The following CCK variants were observed in gnomAD, a reference collection of about 807,000 sequenced individuals.
CCK encodes cholecystokinin, also known as cholecystokinin triacontatriapeptide.
In CCK, 11 loss-of-function variants were observed where a neutral mutation model predicts 10.1. The observed-to-expected ratio is 1.09, with a 90% CI of 0.69 to 1.81. CCK has a LOEUF of 1.81. Among genes scored for constraint, CCK ranks in the 40% most tolerant of loss-of-function variants. The probability of loss-of-function intolerance (pLI) is 0.00; values close to 1 mark genes in which losing one functional copy is unlikely to be tolerated. For synonymous variants in CCK, 83 were observed against 71.9 expected, an observed-to-expected ratio of 1.15 and a Z score of -0.78; for missense variants, 137 against 159.9, an observed-to-expected ratio of 0.86 and a Z score of 0.77.
intron 4 of CCK, among the ~76,000 whole-genome samples, chr3:42,259,269 G>A (rs2149570454): frequency 6.6e-6 from 1 of 152,240 alleles, no homozygotes; most frequent in South Asian, 2.1e-4. Context: ...GTTGATGGGT[G>A]CAGCAAACCA....
rs753757637 is a variant in CCK at position 42,265,741 on chromosome 3, C to T, written c.-440G>A. The stretch of plus-strand genomic sequence containing the variant: ...AGGACCTCACCCCTAGTCAGTCACC[C>T]GTCCGGTGGAGGGAAGGGAGGCACC... On this transcript the variant is annotated 5_prime_UTR_variant, in exon 1 of 5. Transcript: ENST00000396169. The T allele has an allele frequency of 2.6e-5, 4 of 152,298 alleles. No individual in the cohort carries two copies. Among genetic ancestry groups the T allele is most frequent in the Non-Finnish European group, 5.9e-5 (4 of 68,136 alleles). 9.4% of individuals were successfully genotyped at this position (152,298 alleles called of 1,614,324 possible).
Position 42,263,464 on chromosome 3 carries a change from G to T in CCK, c.167C>A (p.Ala56Glu). The change falls in exon 4 of 5, where the codon GCG becomes GAG. Residue 56 changes from alanine to glutamate, a missense_variant. Physicochemically the swap from Ala to Glu is moderately radical, Grantham distance 107. Coordinates refer to ENST00000396169, the MANE Select transcript of CCK (RefSeq NM_000729.6). The part of the protein sequence containing the change: ...VSQRTDGESR[A>E]HLGALLARYI... ...TCTTGCCAGCAGGGCGCCCAGGTGC[G>T]CTCGGGACTCGCCATCCGTTCTCTG... 6.2e-7 allele frequency: 1 copy of T among 1,614,160 alleles called. No homozygotes were observed. Among genetic ancestry groups the T allele is most frequent in the Non-Finnish European group, 8.5e-7 (1 of 1,180,010 alleles).
At chr3:42,263,145 A>C in intron 4 of CCK, 1 of 562,332 alleles carries the variant, frequency 1.8e-6, no homozygotes, top group Non-Finnish European at 3.2e-6. Flanking sequence ...TTCAATAATT[A>C]TCTTTTAATG....
rs1211611335 is a variant in CCK at position 42,265,683 on chromosome 3, C to T, written c.-383+1G>A. On this transcript the variant is annotated splice_donor_variant, in intron 1 of 4. Coordinates refer to ENST00000396169, the MANE Select transcript of CCK (RefSeq NM_000729.6). LOFTEE classifies it low-confidence loss of function (5UTR_SPLICE). ...ACACACTCACACCCCCAGGACAGTA[C>T]CTTCCAGAACTCAGCTGCGCAGCCT... 2 of 152,302 alleles carry T rather than the reference C, an allele frequency of 1.3e-5. No homozygotes were observed. Among genetic ancestry groups the T allele is most frequent in the African/African-American group, 2.4e-5 (1 of 41,438 alleles). The allele number at this position is 152,302 out of a possible 1,614,324, so 9.4% of individuals were successfully genotyped here. A position where few individuals can be genotyped will look rare whatever the true frequency, so the allele number is the denominator to read the frequency against.
At chr3:42,261,967 A>T (rs946360279) in intron 4 of CCK, among the ~76,000 whole-genome samples, 4 of 152,326 alleles carry the variant, frequency 2.6e-5, no homozygotes, top group African/African-American at 9.6e-5. Flanking sequence ...AATTTCCCAA[A>T]GACAGGAAGA....
At position 42,263,523 on chromosome 3, in the gene CCK, T is replaced by C; in HGVS notation, c.108A>G (p.Ala36=). 1 of 1,613,664 alleles carries C rather than the reference T, an allele frequency of 6.2e-7. No individual in the cohort carries two copies. The highest frequency in any genetic ancestry group is 1.1e-5 in the South Asian group (1 of 91,072). ...TCAGCTGCCTACGGGGCGCCTCCTC[T>C]GCCCGCTGCAGCCCGGAGCCCGCGG... ...ADPAGSGLQR[A]EEAPRRQLRV... The change falls in exon 4 of 5, where the codon GCA becomes GCG. Residue 36 remains alanine, a synonymous_variant. Transcript: ENST00000396169.
chr3:42,262,103 G>A (rs532165224), intron 4 of CCK, among the ~76,000 whole-genome samples: 1 of 151,996 alleles, frequency 6.6e-6, no homozygotes, highest in Non-Finnish European at 1.5e-5. Context: ...TCCCTCTCTG[G>A]TCAAGCCAGG....
chr3:42,263,677 C>T (rs1293347096), intron 3 of CCK, 45 bp from the exon 4 acceptor site: 7 of 1,471,762 alleles, frequency 4.8e-6, no homozygotes, highest in Non-Finnish European at 5.4e-6. Flanking sequence ...AAAGGCTGGG[C>T]AACAGAGCTC....
In CCK at chr3:42,264,898, G is replaced by A. The variant is rs1055177041; in HGVS notation, c.-204C>T. 1.3e-5 allele frequency: 2 copies of A among 152,480 alleles called. No homozygotes were observed. The highest frequency in any genetic ancestry group is 1.3e-4 in the Admixed American group (2 of 15,312). 9.4% of individuals were successfully genotyped at this position (152,480 alleles called of 1,614,324 possible). A position where few individuals can be genotyped will look rare whatever the true frequency, so the allele number is the denominator to read the frequency against. ...GCGGCCACTGGGGCGACAACCGGTT[G>A]AAGTGGCTCCTGGGAGAGAGGGGGA... On this transcript the variant is annotated 5_prime_UTR_variant, in exon 3 of 5. Coordinates refer to ENST00000396169, the MANE Select transcript of CCK (RefSeq NM_000729.6).
intron 4 of CCK, 120 bp from the exon 5 acceptor site, chr3:42,258,351 T>C: frequency 2.8e-6 from 3 of 1,075,036 alleles, no homozygotes; most frequent in South Asian, 1.7e-5. Flanking sequence ...ACCTTAAAGG[T>C]ATCAAAGAGC....
intron 4 of CCK, among the ~76,000 whole-genome samples, chr3:42,262,474 C>T (rs190648935): frequency 6.6e-5 from 10 of 152,254 alleles, no homozygotes; most frequent in East Asian, 1.9e-4. Context: ...CCTGCCTCAG[C>T]CCCCCAAAGT....
chr3:42,258,478 G>T (rs987435442), intron 4 of CCK, among the ~76,000 whole-genome samples: 1 of 152,208 alleles, frequency 6.6e-6, no homozygotes, highest in Non-Finnish European at 1.5e-5. Context: ...CGTTCTGCAA[G>T]TATTTAGGTG....
At chr3:42,258,551 G>A (rs11571873) in intron 4 of CCK, among the ~76,000 whole-genome samples, 25 of 152,236 alleles carry the variant, frequency 1.6e-4, no homozygotes, top group East Asian at 1.5e-3. Context: ...TCTCCCTACC[G>A]TTTGCTTTCT....
chr3:42,265,449 G>A lies in CCK; in HGVS notation c.-382-12C>T, dbSNP rs1339420279. 11 of 152,264 alleles carry A rather than the reference G, an allele frequency of 7.2e-5. No individual in the cohort carries two copies. Among genetic ancestry groups the A allele is most frequent in the African/African-American group, 1.4e-4 (6 of 41,434 alleles). 9.4% of individuals were successfully genotyped at this position (152,264 alleles called of 1,614,324 possible). Reference sequence around the variant, plus strand: ...CTCTCTTGACGCAGCTGTAAAATGCGGATGACACCATCTGGTTTTGCTCAG... The same window carrying A: ...CTCTCTTGACGCAGCTGTAAAATGCAGATGACACCATCTGGTTTTGCTCAG... On this transcript the variant is annotated splice_polypyrimidine_tract_variant and intron_variant, in intron 1 of 4. Transcript: ENST00000396169.
At position 42,263,398 on chromosome 3, in the gene CCK, G is replaced by A. The variant is rs757509761; in HGVS notation, c.214+19C>T. On this transcript the variant is annotated intron_variant, in intron 4 of 4. Coordinates refer to ENST00000396169, the MANE Select transcript of CCK (RefSeq NM_000729.6). ...GGGAACAAGGGCAGAAGTGAGGGAT[G>A]GGGAGGCAGCATTCTTACCTTTCCG... The A allele has an allele frequency of 6.2e-7, 1 of 1,614,142 alleles. No homozygotes were observed. Among genetic ancestry groups the A allele is most frequent in the Admixed American group, 1.7e-5 (1 of 60,028 alleles).
intron 4 of CCK, among the ~76,000 whole-genome samples, chr3:42,262,269 A>G (rs1711227455): frequency 7.2e-6 from 1 of 138,662 alleles, no homozygotes; most frequent in Admixed American, 7.8e-5. Flanking sequence ...TGCTCAGGCC[A>G]GAGTGCAATG....
chr3:42,261,607 GCTTTTTTTTTTTT>G (rs1711213616), intron 4 of CCK, among the ~76,000 whole-genome samples: 1 of 57,502 alleles, frequency 1.7e-5, no homozygotes, highest in South Asian at 8.6e-4. Flanking sequence ...TTGGTAATGA[GCTTTTTTTTTTTT>G]CTTTTTTTTC....
At position 42,259,549 on chromosome 3, in the gene CCK, T is replaced by A. The variant is rs1199121377; in HGVS notation, c.215-1318A>T. Among the ~76,000 whole-genome samples, 23 of 152,090 alleles carry A rather than the reference T, an allele frequency of 1.5e-4. 1 individual carries two copies. Among genetic ancestry groups the A allele is most frequent in the Non-Finnish European group, 3.2e-4 (22 of 68,008 alleles). On this transcript the variant is annotated intron_variant, in intron 4 of 4. Transcript: ENST00000396169. Reference sequence around the variant, plus strand: ...GTCGGATTAAATCTTGGCACCTCAGTAAGACTCAAAGAAGGGGGGGAGAGA... The same window carrying A: ...GTCGGATTAAATCTTGGCACCTCAGAAAGACTCAAAGAAGGGGGGGAGAGA...
chr3:42,259,802 C>T (rs757900937), intron 4 of CCK, among the ~76,000 whole-genome samples: 1 of 152,180 alleles, frequency 6.6e-6, no homozygotes, highest in Non-Finnish European at 1.5e-5. Context: ...ATCAGCAGAA[C>T]ACCTTCTCCT....
Sources: gnomAD v4.1 joint callset for allele counts (sites outside exome capture counted in the v4.1 genomes callset) on GRCh38, gnomAD v4.1.1 for gene constraint, MANE v1.5 for transcripts, NCBI Gene and HGNC (gene_info 2026-07-23, HGNC 2026-07-21) for gene names.